The following ELP3 variants were observed in gnomAD, a reference collection of about 807,000 sequenced individuals.
ELP3 encodes the protein elongator complex protein 3.
A neutral mutation model predicts 74.9 loss-of-function variants in ELP3; 56 were observed. The ratio of observed to expected loss-of-function variants is 0.75; its 90% CI spans 0.60 to 0.93. ELP3 has a LOEUF of 0.93. ELP3 is among the 40% of genes least tolerant of loss of function. The probability of loss-of-function intolerance (pLI) is 0.00; values close to 1 mark genes in which losing one functional copy is unlikely to be tolerated. For missense variants in ELP3, 573 were observed against 686.5 expected, an observed-to-expected ratio of 0.83 and a Z score of 1.85; for synonymous variants, 222 against 239.8, an observed-to-expected ratio of 0.93 and a Z score of 0.68.
In ELP3 at chr8:28,134,717, T is replaced by C. The variant is rs116706782; in HGVS notation, c.906+2313T>C. ...AAAACTACATTTGGTCTCAGTTTTC[T>C]ACAGCACCTTGGTCTTGTATTGTGG... On this transcript the variant is annotated intron_variant, in intron 9 of 14. Transcript: ENST00000256398. Among the ~76,000 whole-genome samples the C allele has an allele frequency of 5.9e-3, 906 of 152,376 alleles. 12 individuals carry two copies. The highest frequency in any genetic ancestry group is 0.02 in the African/African-American group (844 of 41,592).
At chr8:28,181,946 A>C (rs1001289851) in intron 14 of ELP3, among the ~76,000 whole-genome samples, 1 of 139,616 alleles carries the variant, frequency 7.2e-6, no homozygotes, top group African/African-American at 2.6e-5. Context: ...TCACTTAGCT[A>C]TCAAGTGGTT....
chr8:28,178,114 G>A (rs1356187318), intron 14 of ELP3, among the ~76,000 whole-genome samples: 1 of 152,174 alleles, frequency 6.6e-6, no homozygotes, highest in Non-Finnish European at 1.5e-5. Flanking sequence ...AATAACACCT[G>A]TATGTCTTAG....
At chr8:28,148,732 A>T (rs191201671) in intron 10 of ELP3, among the ~76,000 whole-genome samples, 315 of 152,362 alleles carry the variant, frequency 2.1e-3, no homozygotes, top group Middle Eastern at 3.4e-3. Context: ...ATAAATTATG[A>T]TAAATCGCAC....
In ELP3 at chr8:28,189,801, C is replaced by CTT. The variant is rs1815386786; in HGVS notation, c.*76_*77insTT. 7 of 1,493,516 alleles carry CTT rather than the reference C, an allele frequency of 4.7e-6. No individual in the cohort carries two copies. Among genetic ancestry groups the CTT allele is most frequent in the Non-Finnish European group, 6.5e-6 (7 of 1,073,284 alleles). The allele number at this position is 1,493,516 out of a possible 1,614,324, so 92.5% of individuals were successfully genotyped here. A position where few individuals can be genotyped will look rare whatever the true frequency, so the allele number is the denominator to read the frequency against. On this transcript the variant is annotated 3_prime_UTR_variant, in exon 15 of 15. Coordinates refer to ENST00000256398, the MANE Select transcript of ELP3 (RefSeq NM_018091.6). The stretch of plus-strand genomic sequence containing the variant: ...GAATCAGGATTTCTTAAATACTCAA[C>CTT]AGAGAGGCTGAGCAGAGCAAATGGG...
At chr8:28,186,677 G>A (rs991800210) in intron 14 of ELP3, among the ~76,000 whole-genome samples, 2 of 152,166 alleles carry the variant, frequency 1.3e-5, no homozygotes, top group African/African-American at 2.4e-5. Context: ...GGAGTCCTGC[G>A]GTGGCACAGG....
chr8:28,184,289 A>G (rs1288992991), intron 14 of ELP3, among the ~76,000 whole-genome samples: 2 of 152,200 alleles, frequency 1.3e-5, no homozygotes, highest in East Asian at 3.8e-4. Flanking sequence ...ACCTGGAGAC[A>G]GTGTTCCATC....
At chr8:28,101,947 G>A (rs1042402990) in intron 3 of ELP3, among the ~76,000 whole-genome samples, 1 of 152,136 alleles carries the variant, frequency 6.6e-6, no homozygotes, top group Non-Finnish European at 1.5e-5. Flanking sequence ...CAGAAACTTA[G>A]CAACCTTTCA....
chr8:28,166,799 C>G (rs1470546730), intron 14 of ELP3, among the ~76,000 whole-genome samples: 2 of 152,226 alleles, frequency 1.3e-5, no homozygotes, highest in Admixed American at 6.5e-5. Context: ...TTTAACACCC[C>G]CAACAGAATG....
At chr8:28,140,897 A>G (rs1314470769) in intron 10 of ELP3, among the ~76,000 whole-genome samples, 1 of 152,152 alleles carries the variant, frequency 6.6e-6, no homozygotes, top group Non-Finnish European at 1.5e-5. Flanking sequence ...AACAATATAT[A>G]TCAGATAAGG....
intron 1 of ELP3, among the ~76,000 whole-genome samples, chr8:28,094,189 A>T (rs1811161321): frequency 6.6e-6 from 1 of 152,142 alleles, no homozygotes; most frequent in African/African-American, 2.4e-5. Context: ...ATCTACCAGG[A>T]TTCTTTTAGT....
intron 10 of ELP3, among the ~76,000 whole-genome samples, chr8:28,140,270 T>C (rs1585697991): frequency 1.3e-5 from 2 of 152,152 alleles, no homozygotes; most frequent in East Asian, 1.9e-4. Context: ...TAAGGAAGTA[T>C]TCAAAGAAGA....
chr8:28,141,830 A>G (rs1013432231), intron 10 of ELP3, among the ~76,000 whole-genome samples: 3 of 152,240 alleles, frequency 2.0e-5, no homozygotes, highest in African/African-American at 4.8e-5. Context: ...TCAAGCAACC[A>G]GAAAGCAGTA....
At chr8:28,096,113 A>G (rs1012973135) in intron 1 of ELP3, among the ~76,000 whole-genome samples, 7 of 152,160 alleles carry the variant, frequency 4.6e-5, no homozygotes, top group African/African-American at 1.7e-4. Context: ...TGGTGGGTCT[A>G]GGTTGTGTGC....
At chr8:28,142,321 C>A (rs188551493) in intron 10 of ELP3, among the ~76,000 whole-genome samples, 1 of 152,200 alleles carries the variant, frequency 6.6e-6, no homozygotes, top group East Asian at 1.9e-4. Flanking sequence ...GACCCCGTTA[C>A]ACTTATCCTA....
intron 10 of ELP3, among the ~76,000 whole-genome samples, chr8:28,150,831 G>T (rs189219886): frequency 6.6e-6 from 1 of 151,918 alleles, no homozygotes. Context: ...TCTCTTTCTG[G>T]TGTTCTTATT....
At chr8:28,173,237 A>G (rs1814602904) in intron 14 of ELP3, among the ~76,000 whole-genome samples, 1 of 152,060 alleles carries the variant, frequency 6.6e-6, no homozygotes. Flanking sequence ...AGAATTTACT[A>G]GTAAAGTCGT....
intron 5 of ELP3, among the ~76,000 whole-genome samples, chr8:28,108,463 T>TC (rs1811785142): frequency 6.8e-6 from 1 of 146,942 alleles, no homozygotes; most frequent in Non-Finnish European, 1.5e-5. Context: ...TTTTCTTTTT[T>TC]TTTTTTTTTT....
At chr8:28,128,087 G>A (rs1812649878) in intron 7 of ELP3, among the ~76,000 whole-genome samples, 1 of 152,158 alleles carries the variant, frequency 6.6e-6, no homozygotes, top group Admixed American at 6.5e-5. Flanking sequence ...GAAAATAAAT[G>A]GGAAATTTTT....
At chr8:28,139,990 T>C (rs1813164483) in intron 10 of ELP3, among the ~76,000 whole-genome samples, 1 of 152,188 alleles carries the variant, frequency 6.6e-6, no homozygotes, top group Non-Finnish European at 1.5e-5. Flanking sequence ...CAGGAGGATG[T>C]GCATAGGTTA....
Sources: gnomAD v4.1 joint callset for allele counts (sites outside exome capture counted in the v4.1 genomes callset) on GRCh38, gnomAD v4.1.1 for gene constraint, MANE v1.5 for transcripts, NCBI Gene and HGNC (gene_info 2026-07-23, HGNC 2026-07-21) for gene names.